The following TEX11 variants were observed in gnomAD, a reference collection of about 807,000 sequenced individuals.
The protein encoded by TEX11 is testis expressed 11.
In TEX11, 7 loss-of-function variants were observed where a neutral mutation model predicts 84.4. The observed-to-expected ratio is 0.08, with a 90% CI of 0.05 to 0.16. TEX11 has a LOEUF of 0.16. Among genes scored for constraint, TEX11 ranks in the 10% least tolerant of loss-of-function variants. The pLI, the probability that TEX11 is intolerant of heterozygous loss-of-function variation, is 1.00. For synonymous variants in TEX11, 264 were observed against 222.8 expected, an observed-to-expected ratio of 1.18 and a Z score of -1.64; for missense variants, 551 against 660.5, an observed-to-expected ratio of 0.83 and a Z score of 1.82.
intron 7 of TEX11, among the ~76,000 whole-genome samples, chrX:70,839,313 A>G (rs928572496): frequency 1.8e-5 from 2 of 111,872 alleles, no homozygotes; most frequent in Admixed American, 9.5e-5. Flanking sequence ...GCGATCAGGC[A>G]GCAGCATCTG....
At chrX:70,664,182 A>G (rs942501119) in intron 16 of TEX11, among the ~76,000 whole-genome samples, 1 of 111,976 alleles carries the variant, frequency 8.9e-6, no homozygotes. Flanking sequence ...TCTATACATT[A>G]AATCTCTATT....
chrX:70,689,562 T>C (rs1011807949), intron 13 of TEX11, among the ~76,000 whole-genome samples: 1 of 111,377 alleles, frequency 9.0e-6, no homozygotes, highest in African/African-American at 3.3e-5. Flanking sequence ...CTGATTGGGG[T>C]ATGTCAAAAG....
intron 13 of TEX11, among the ~76,000 whole-genome samples, chrX:70,709,797 G>T (rs911098563): frequency 9.0e-6 from 1 of 111,019 alleles, no homozygotes; most frequent in African/African-American, 3.3e-5. Flanking sequence ...AAGATGCAAG[G>T]CTTTCTGGTC....
At chrX:70,612,980 C>T (rs187629489) in intron 20 of TEX11, among the ~76,000 whole-genome samples, 3 of 111,873 alleles carry the variant, frequency 2.7e-5, no homozygotes, top group African/African-American at 9.7e-5. Flanking sequence ...GAATTACATT[C>T]TACTTCTGCT....
chrX:70,814,722 T>C (rs2091277019), intron 8 of TEX11, among the ~76,000 whole-genome samples: 1 of 113,102 alleles, frequency 8.8e-6, no homozygotes, highest in Non-Finnish European at 1.9e-5. Flanking sequence ...CTTGAACGAA[T>C]TACTTCAAAG....
chrX:70,837,000 G>C (rs1444327273), intron 7 of TEX11, among the ~76,000 whole-genome samples: 1 of 111,325 alleles, frequency 9.0e-6, no homozygotes, highest in Admixed American at 9.5e-5. Flanking sequence ...CTGGGTGACA[G>C]AGTGAGACTC....
At chrX:70,722,516 C>T (rs1288877081) in intron 13 of TEX11, 102 bp downstream of exon 13, 2 of 595,905 alleles carry the variant, frequency 3.4e-6, no homozygotes, top group Admixed American at 3.1e-5. Context: ...CTCAAGGGAT[C>T]CTCCCGCCTC....
chrX:70,765,395 AAAC>A (rs926656086), intron 9 of TEX11, among the ~76,000 whole-genome samples: 6 of 111,462 alleles, frequency 5.4e-5, no homozygotes, highest in Admixed American at 9.5e-5. Context: ...CTTTGTCTCA[AAAC>A]AACAACAACA....
chrX:70,890,880 A>G (rs1334807073), intron 2 of TEX11, among the ~76,000 whole-genome samples: 3 of 112,444 alleles, frequency 2.7e-5, no homozygotes, highest in South Asian at 3.6e-4. Context: ...GTTTGAGCTC[A>G]GAGAATGGAC....
chrX:70,767,731 C>G (rs2090949355), intron 9 of TEX11, among the ~76,000 whole-genome samples: 1 of 111,567 alleles, frequency 9.0e-6, no homozygotes, highest in African/African-American at 3.3e-5. Flanking sequence ...CCTAAGTATC[C>G]ACGGATAGAT....
intron 2 of TEX11, among the ~76,000 whole-genome samples, chrX:70,880,997 A>T (rs1392551504): frequency 1.1e-5 from 1 of 88,258 alleles, no homozygotes; most frequent in African/African-American, 4.6e-5. Context: ...ACATAGCAAG[A>T]CATCATCCAA....
intron 25 of TEX11, among the ~76,000 whole-genome samples, chrX:70,581,179 A>C (rs1052349761): frequency 2.8e-5 from 3 of 108,745 alleles, no homozygotes; most frequent in African/African-American, 1.0e-4. Flanking sequence ...TTCTTTAAAA[A>C]ATTATTTATA....
chrX:70,569,241 T>TGG (rs1227352581), intron 25 of TEX11, among the ~76,000 whole-genome samples: 38 of 112,365 alleles, frequency 3.4e-4, no homozygotes, highest in African/African-American at 1.1e-3. Context: ...TCTTGAGCCT[T>TGG]GGCTTTCAGC....
chrX:70,668,000 C>T (rs1292656178), intron 16 of TEX11, among the ~76,000 whole-genome samples: 1 of 110,825 alleles, frequency 9.0e-6, no homozygotes, highest in East Asian at 2.8e-4. Context: ...GAGTAAGGTC[C>T]CCAGACAAAG....
At chrX:70,877,202 G>A (rs1168436769) in intron 3 of TEX11, among the ~76,000 whole-genome samples, 4 of 110,116 alleles carry the variant, frequency 3.6e-5, no homozygotes, top group African/African-American at 6.6e-5. Context: ...GCTGAGGCAC[G>A]AGAACTGCTT....
At chrX:70,653,673 C>T (rs1240911554) in intron 16 of TEX11, among the ~76,000 whole-genome samples, 2 of 111,723 alleles carry the variant, frequency 1.8e-5, no homozygotes, top group East Asian at 5.6e-4. Context: ...CCATACAATC[C>T]AGCAGTTGCA....
In TEX11 at chrX:70,552,220, A is replaced by T; in HGVS notation, c.2426T>A (p.Leu809His). Residue 809 changes from leucine to histidine, a missense_variant, in exon 28 of 30, where the codon CTC (leucine) becomes CAC (histidine). Transcript: ENST00000374333. ...ATTCGACGCCCCATCTGGCACTGAG[A>T]GGTTAACCAAGTTGTGCATACATTT... The part of the protein sequence containing the change: ...YSKCMHNLVN[L>H]SVPDGASNVE... 1 of 1,209,626 alleles carries T rather than the reference A, an allele frequency of 8.3e-7. No homozygotes were observed.
chrX:70,643,866 G>A (rs1391821672), intron 17 of TEX11, among the ~76,000 whole-genome samples: 8 of 109,410 alleles, frequency 7.3e-5, no homozygotes, highest in Non-Finnish European at 1.5e-4. Context: ...CATGGGCAAG[G>A]ACTTCATGTC....
intron 20 of TEX11, among the ~76,000 whole-genome samples, chrX:70,621,577 T>TATAA (rs1555999847): frequency 1.8e-5 from 1 of 56,585 alleles, no homozygotes; most frequent in Non-Finnish European, 3.1e-5. Flanking sequence ...TATATATATA[T>TATAA]AAATAAAAAT....
Sources: gnomAD v4.1 joint callset for allele counts (sites outside exome capture counted in the v4.1 genomes callset) on GRCh38, gnomAD v4.1.1 for gene constraint, MANE v1.5 for transcripts, NCBI Gene and HGNC (gene_info 2026-07-23, HGNC 2026-07-21) for gene names.